UBE2G1: variants seen among roughly 807,000 people sequenced by gnomAD.
The protein encoded by UBE2G1 is ubiquitin conjugating enzyme E2 G1.
In UBE2G1, 5 loss-of-function variants were observed where a neutral mutation model predicts 22.7. The ratio of observed to expected loss-of-function variants is 0.22; its 90% CI spans 0.12 to 0.46. UBE2G1 has a LOEUF of 0.46. Among genes scored for constraint, UBE2G1 ranks in the 20% least tolerant of loss-of-function variants. The pLI is 0.99. For missense variants in UBE2G1, 88 were observed against 203.9 expected, an observed-to-expected ratio of 0.43 and a Z score of 3.46; for synonymous variants, 74 against 67.5, an observed-to-expected ratio of 1.10 and a Z score of -0.47.
At chr17:4,283,807 T>G (rs1968925987) in intron 4 of UBE2G1, among the ~76,000 whole-genome samples, 1 of 151,982 alleles carries the variant, frequency 6.6e-6, no homozygotes, top group African/African-American at 2.4e-5. Context: ...AACAGAGGCC[T>G]AGAGAAGCTA....
intron 1 of UBE2G1, among the ~76,000 whole-genome samples, chr17:4,348,552 CAAAAAAAA>C (rs777127524): frequency 1.6e-5 from 1 of 64,252 alleles, no homozygotes; most frequent in Admixed American, 1.8e-4. Context: ...GACTCCGTCT[CAAAAAAAA>C]AAAAAAAAAA....
chr17:4,351,391 C>A (rs544697954), intron 1 of UBE2G1, among the ~76,000 whole-genome samples: 6 of 152,302 alleles, frequency 3.9e-5, no homozygotes, highest in Non-Finnish European at 8.8e-5. Context: ...ACAATACCCT[C>A]GTCTGTGCCA....
chr17:4,327,062 G>A (rs771659957), intron 1 of UBE2G1, among the ~76,000 whole-genome samples: 4 of 152,140 alleles, frequency 2.6e-5, no homozygotes, highest in Admixed American at 6.5e-5. Flanking sequence ...TTGGGAGGCC[G>A]AGGCAGGTGG....
chr17:4,302,159 T>G lies in UBE2G1; in HGVS notation c.149+4862A>C, dbSNP rs552236275. On this transcript the variant is annotated intron_variant, in intron 2 of 5. Coordinates refer to ENST00000396981, the MANE Select transcript of UBE2G1 (RefSeq NM_003342.5). ...TTGCCATGTTCCCTTTTATTGGACTTGGGAAAGTTTTCTTTACAGACAAAT... is the reference window on the plus strand; with the variant it reads ...TTGCCATGTTCCCTTTTATTGGACTGGGGAAAGTTTTCTTTACAGACAAAT... 2.2e-4 allele frequency: 116 copies of G among 517,518 alleles called. No individual in the cohort carries two copies. In the Middle Eastern group the frequency reaches 3.7e-3, roughly 16 times the overall value. 32.1% of individuals were successfully genotyped at this position (517,518 alleles called of 1,614,324 possible).
chr17:4,330,485 C>T (rs929548862), intron 1 of UBE2G1, among the ~76,000 whole-genome samples: 3 of 151,976 alleles, frequency 2.0e-5, no homozygotes, highest in Non-Finnish European at 4.4e-5. Flanking sequence ...TGCCTGTAAT[C>T]CCAGCACTTT....
At chr17:4,316,062 C>G (rs1969367896) in intron 1 of UBE2G1, among the ~76,000 whole-genome samples, 1 of 152,018 alleles carries the variant, frequency 6.6e-6, no homozygotes, top group Non-Finnish European at 1.5e-5. Context: ...CTCGGCCTCT[C>G]AAAGTGCTGG....
intron 1 of UBE2G1, among the ~76,000 whole-genome samples, chr17:4,348,693 C>A (rs1230606234): frequency 6.6e-6 from 1 of 151,466 alleles, no homozygotes; most frequent in East Asian, 1.9e-4. Flanking sequence ...GACACCCCAC[C>A]ACTACTAAAA....
At chr17:4,290,221 T>C (rs1241490792) in intron 3 of UBE2G1, among the ~76,000 whole-genome samples, 1 of 152,244 alleles carries the variant, frequency 6.6e-6, no homozygotes, top group East Asian at 1.9e-4. Flanking sequence ...TTAAAAATCA[T>C]ACTTTGAGGA....
At chr17:4,276,340 A>T (rs1050770620) in intron 5 of UBE2G1, among the ~76,000 whole-genome samples, 4 of 146,992 alleles carry the variant, frequency 2.7e-5, no homozygotes, top group Non-Finnish European at 6.0e-5. Context: ...GTACTGGCTA[A>T]TTTTTTTTTT....
chr17:4,360,497 GAT>G (rs1423069895), intron 1 of UBE2G1, among the ~76,000 whole-genome samples: 4 of 152,134 alleles, frequency 2.6e-5, no homozygotes, highest in Admixed American at 1.3e-4. Context: ...ACAATATAAT[GAT>G]AGTCACTGGA....
Position 4,326,175 on chromosome 17 carries a change from T to C in UBE2G1, c.47-19052A>G, listed in dbSNP as rs905892502. 4.0e-5 allele frequency among the ~76,000 whole-genome samples: 6 copies of C among 151,882 alleles called. No homozygotes were observed. The East Asian group carries it at 1.2e-3, about 29-fold the overall frequency. ...GCAACCCCCAAAAAAATGGGAAAAA[T>C]ATTGTAAATCACCTATCTGATAAAG... On this transcript the variant is annotated intron_variant, in intron 1 of 5. Transcript: ENST00000396981.
chr17:4,344,262 C>A (rs913945092), intron 1 of UBE2G1, among the ~76,000 whole-genome samples: 1 of 152,112 alleles, frequency 6.6e-6, no homozygotes, highest in Admixed American at 6.6e-5. Flanking sequence ...GAAGCCCGGC[C>A]GGGCGCGGTG....
chr17:4,315,346 T>C (rs1969353579), intron 1 of UBE2G1, among the ~76,000 whole-genome samples: 1 of 152,206 alleles, frequency 6.6e-6, no homozygotes, highest in Admixed American at 6.5e-5. Context: ...TCGATCATTA[T>C]GTAAAAGTAA....
chr17:4,288,703 G>A (rs1486635574), intron 4 of UBE2G1, among the ~76,000 whole-genome samples: 2 of 152,022 alleles, frequency 1.3e-5, no homozygotes, highest in African/African-American at 4.8e-5. Context: ...TCTAAATTTG[G>A]TGTCACAGTT....
chr17:4,288,505 T>C (rs1187481153), intron 4 of UBE2G1, among the ~76,000 whole-genome samples: 3 of 152,156 alleles, frequency 2.0e-5, no homozygotes. Context: ...GGATTACAGT[T>C]GTGAGCCACC....
At chr17:4,316,108 G>A (rs2143751011) in intron 1 of UBE2G1, among the ~76,000 whole-genome samples, 1 of 152,108 alleles carries the variant, frequency 6.6e-6, no homozygotes, top group African/African-American at 2.4e-5. Context: ...AGTGTACTTT[G>A]CCAAGACCAA....
intron 3 of UBE2G1, among the ~76,000 whole-genome samples, chr17:4,291,963 C>T (rs1423020259): frequency 6.6e-6 from 1 of 151,944 alleles, no homozygotes; most frequent in African/African-American, 2.4e-5. Flanking sequence ...CTTAGTTTTC[C>T]CCATATAATT....
At chr17:4,327,125 G>C (rs372768247) in intron 1 of UBE2G1, among the ~76,000 whole-genome samples, 9 of 152,018 alleles carry the variant, frequency 5.9e-5, no homozygotes, top group African/African-American at 2.2e-4. Flanking sequence ...GCAAAACCCC[G>C]TCTCTACCAA....
chr17:4,346,817 GTATC>G (rs1224552039), intron 1 of UBE2G1, among the ~76,000 whole-genome samples: 2 of 152,064 alleles, frequency 1.3e-5, no homozygotes, highest in African/African-American at 4.8e-5. Context: ...TATTTGCTGA[GTATC>G]TATATATGCC....
Sources: gnomAD v4.1 joint callset for allele counts (sites outside exome capture counted in the v4.1 genomes callset) on GRCh38, gnomAD v4.1.1 for gene constraint, MANE v1.5 for transcripts, NCBI Gene and HGNC (gene_info 2026-07-23, HGNC 2026-07-21) for gene names.